Variants in DNAI1 observed in about 807,000 individuals in gnomAD.
DNAI1 encodes the protein dynein, axonemal, intermediate polypeptide 1.
Under a neutral mutation model 92.0 loss-of-function variants are expected in DNAI1, and 67 were observed. The observed-to-expected ratio is 0.73, with a 90% confidence interval of 0.60 to 0.89. DNAI1 has a LOEUF of 0.89. DNAI1 is among the 40% of genes least tolerant of loss of function. The pLI is 0.00. For synonymous variants in DNAI1, 323 were observed against 319.6 expected (o/e 1.01, Z -0.11); for missense variants, 839 against 866.6 (o/e 0.97, Z 0.40).
chr9:34,504,636 G>C (rs10511917), intron 12 of DNAI1, among the ~76,000 whole-genome samples: 3 of 152,064 alleles, frequency 2.0e-5, no homozygotes, highest in Non-Finnish European at 4.4e-5. Flanking sequence ...CTGTCTCTAA[G>C]GCCTTGCTCT....
intron 1 of DNAI1, among the ~76,000 whole-genome samples, chr9:34,468,602 G>A (rs913572670): frequency 1.3e-5 from 2 of 151,938 alleles, no homozygotes; most frequent in Non-Finnish European, 2.9e-5. Context: ...GAGACGGGAG[G>A]ATCACTTGAG....
At chr9:34,461,356 A>G (rs1823948528) in intron 1 of DNAI1, among the ~76,000 whole-genome samples, 1 of 152,200 alleles carries the variant, frequency 6.6e-6, no homozygotes, top group Non-Finnish European at 1.5e-5. Flanking sequence ...CGTGTTGACA[A>G]ATTTTAACAA....
chr9:34,507,939 C>T (rs1281607060), intron 13 of DNAI1, among the ~76,000 whole-genome samples: 1 of 152,212 alleles, frequency 6.6e-6, no homozygotes, highest in Non-Finnish European at 1.5e-5. Flanking sequence ...TGTTTCCCAT[C>T]ATATTCCACT....
At chr9:34,507,005 G>A (rs1346351968) in intron 13 of DNAI1, 131 bp downstream of exon 13, 2 of 1,376,160 alleles carry the variant, frequency 1.5e-6, no homozygotes, top group Non-Finnish European at 2.0e-6. Context: ...CATCAGGTCA[G>A]GATCTGGGTG....
At chr9:34,520,236 C>G (rs1825244697) in intron 19 of DNAI1, among the ~76,000 whole-genome samples, 1 of 152,140 alleles carries the variant, frequency 6.6e-6, no homozygotes, top group African/African-American at 2.4e-5. Context: ...CCCTCCCTCC[C>G]CAAACACATA....
At chr9:34,487,130 T>C (rs1033365822) in intron 4 of DNAI1, among the ~76,000 whole-genome samples, 1 of 152,324 alleles carries the variant, frequency 6.6e-6, no homozygotes, top group African/African-American at 2.4e-5. Context: ...TGCTTCTTAT[T>C]TAAGATTGTG....
chr9:34,467,919 A>C (rs1209401213), intron 1 of DNAI1, among the ~76,000 whole-genome samples: 1 of 152,236 alleles, frequency 6.6e-6, no homozygotes, highest in Non-Finnish European at 1.5e-5. Context: ...AGAGAGGTAG[A>C]TCCAAAGGAG....
In DNAI1 at chr9:34,517,344, G is replaced by A. The variant is rs146244319; in HGVS notation, c.1878G>A (p.Ala626=). The change falls in exon 19 of 20, where the codon GCG becomes GCA. Residue 626 remains alanine, a synonymous_variant. Transcript: ENST00000242317. ...AGGCCATCTGCAACCAGCCTGTGGC[G>A]GCCAAAAAGAACAGGCTCACCCACG... ...KYEAICNQPV[A]AKKNRLTHVQ... is the part of the protein sequence containing the mutation. 373 of 1,614,100 alleles carry A rather than the reference G, an allele frequency of 2.3e-4. No individual in the cohort carries two copies. Among genetic ancestry groups the A allele is most frequent in the African/African-American group, 2.1e-3 (160 of 75,026 alleles).
chr9:34,511,717 G>T (rs893775107), intron 13 of DNAI1, among the ~76,000 whole-genome samples: 17 of 152,180 alleles, frequency 1.1e-4, no homozygotes, highest in African/African-American at 3.9e-4. Flanking sequence ...ACAGGAAACT[G>T]GTTGATGGGC....
chr9:34,491,936 G>C (rs1824608557), intron 8 of DNAI1, among the ~76,000 whole-genome samples: 1 of 152,164 alleles, frequency 6.6e-6, no homozygotes, highest in Non-Finnish European at 1.5e-5. Context: ...TGCCCTCCCA[G>C]CAGCCTTCAG....
intron 12 of DNAI1, among the ~76,000 whole-genome samples, chr9:34,504,486 G>A (rs1824887592): frequency 6.6e-6 from 1 of 152,192 alleles, no homozygotes; most frequent in Non-Finnish European, 1.5e-5. Context: ...TGTAAATACA[G>A]TCCTTAAAGG....
chr9:34,491,648 C>T lies in DNAI1; in HGVS notation c.681+94C>T, dbSNP rs529505337. ...AAAGGCAACACTGGGTCAAGGGCTC[C>T]TCTGGCAGTCTGCCCTCCTCATCTA... On this transcript the variant is annotated intron_variant, in intron 8 of 19. Transcript: ENST00000242317. 4 of 1,353,846 alleles carry T rather than the reference C, an allele frequency of 3.0e-6. No individual in the cohort carries two copies. In the African/African-American group the frequency reaches 5.8e-5, roughly 20 times the overall value. 83.9% of individuals were successfully genotyped at this position (1,353,846 alleles called of 1,614,324 possible).
At chr9:34,502,868 T>C (rs971435002) in intron 12 of DNAI1, among the ~76,000 whole-genome samples, 1 of 152,074 alleles carries the variant, frequency 6.6e-6, no homozygotes, top group African/African-American at 2.4e-5. Flanking sequence ...GTTGGTGACA[T>C]GGAAAGGCTG....
intron 1 of DNAI1, among the ~76,000 whole-genome samples, chr9:34,472,819 T>G (rs1289362862): frequency 6.6e-6 from 1 of 152,038 alleles, no homozygotes; most frequent in African/African-American, 2.4e-5. Context: ...GGAGGATCCC[T>G]TGAGCCCAGG....
chr9:34,479,097 C>T (rs17352992), intron 1 of DNAI1, among the ~76,000 whole-genome samples: 7,550 of 152,126 alleles, frequency 0.05, 270 homozygotes, highest in Non-Finnish European at 0.065. Context: ...AGATGGCATT[C>T]CTGGCAGAGG....
At chr9:34,486,042 G>C (rs1242204592) in intron 4 of DNAI1, among the ~76,000 whole-genome samples, 1 of 152,176 alleles carries the variant, frequency 6.6e-6, no homozygotes, top group African/African-American at 2.4e-5. Context: ...CATGGCGTGG[G>C]TGGGTAAGTT....
intron 4 of DNAI1, among the ~76,000 whole-genome samples, chr9:34,486,606 T>C (rs544802944): frequency 1.3e-5 from 2 of 152,290 alleles, no homozygotes; most frequent in East Asian, 3.9e-4. Context: ...TATTTTTTTG[T>C]TTTTTTGAAA....
intron 1 of DNAI1, among the ~76,000 whole-genome samples, chr9:34,463,873 G>A (rs563531127): frequency 6.6e-6 from 1 of 152,170 alleles, no homozygotes; most frequent in South Asian, 2.1e-4. Flanking sequence ...AGTCTTGGAT[G>A]ATTCAGAGAT....
chr9:34,490,122 G>C lies in DNAI1; in HGVS notation c.499G>C (p.Gly167Arg). ...PGSQTDVPAA[G>R]AAEKVTEEEL... ...GAGTCAAACAGATGTGCCTGCAGCT[G>C]GGGTACAGTATAATATCGCTCTGTG... The change falls in exon 6 of 20, where the codon GGG becomes CGG. Residue 167 changes from glycine to arginine, a missense_variant and splice_region_variant. Physicochemically the swap from Gly to Arg is moderately radical, Grantham distance 125. Transcript: ENST00000242317. 1.2e-6 allele frequency: 2 copies of C among 1,613,930 alleles called. No individual in the cohort carries two copies. The highest frequency in any genetic ancestry group is 2.2e-5 in the South Asian group (2 of 91,056).
Sources: allele counts gnomAD v4.1 joint callset (sites outside exome capture counted in the v4.1 genomes callset), GRCh38; gene constraint gnomAD v4.1.1; transcripts MANE v1.5; gene names NCBI Gene and HGNC (gene_info 2026-07-23, HGNC 2026-07-21).